The following ANAPC1 variants were observed in gnomAD, a reference collection of about 807,000 sequenced individuals.
The protein encoded by ANAPC1 is anaphase-promoting complex subunit 1.
Under a neutral mutation model 208.0 loss-of-function variants are expected in ANAPC1, and 36 were observed. That is an observed-to-expected ratio of 0.17 (90% CI 0.13 to 0.23). The LOEUF (loss-of-function observed/expected upper bound fraction) is 0.23. ANAPC1 is among the 10% of genes least tolerant of loss of function. The pLI, the probability that ANAPC1 is intolerant of heterozygous loss-of-function variation, is 1.00. For synonymous variants in ANAPC1, 378 were observed against 695.2 expected, an observed-to-expected ratio of 0.54 and a Z score of 7.18; for missense variants, 942 against 2,011.6, an observed-to-expected ratio of 0.47 and a Z score of 10.17.
In ANAPC1 at chr2:111,772,476, C is replaced by T; in HGVS notation, c.5585-1G>A. 2 of 1,396,680 alleles carry T rather than the reference C, an allele frequency of 1.4e-6. No homozygotes were observed. Among genetic ancestry groups the T allele is most frequent in the Non-Finnish European group, 2.0e-6 (2 of 1,015,980 alleles). The allele number at this position is 1,396,680 out of a possible 1,614,324, so 86.5% of individuals were successfully genotyped here. A position where few individuals can be genotyped will look rare whatever the true frequency, so the allele number is the denominator to read the frequency against. On this transcript the variant is annotated splice_acceptor_variant, in intron 46 of 47. Transcript: ENST00000341068. LOFTEE classifies it high-confidence loss of function. ...GCGTGCACACACATATCACCCCCGACTGTGAGAGAAACAAATGGAACGGAA... is the reference window on the plus strand; with the variant it reads ...GCGTGCACACACATATCACCCCCGATTGTGAGAGAAACAAATGGAACGGAA...
At chr2:111,803,016 A>G (rs1678515176) in intron 32 of ANAPC1, 1 of 155,684 alleles carries the variant, frequency 6.4e-6, no homozygotes, top group Non-Finnish European at 1.2e-5. Flanking sequence ...TTAGGAAGGC[A>G]GACGGTTTGG....
At chr2:111,773,793 G>T (rs1676869349) in intron 46 of ANAPC1, among the ~76,000 whole-genome samples, 1 of 152,154 alleles carries the variant, frequency 6.6e-6, no homozygotes, top group African/African-American at 2.4e-5. Flanking sequence ...GGCCAGGGTG[G>T]TGTGGGGAGC....
At chr2:111,832,510 T>G (rs1680202583) in intron 20 of ANAPC1, among the ~76,000 whole-genome samples, 1 of 152,192 alleles carries the variant, frequency 6.6e-6, no homozygotes, top group African/African-American at 2.4e-5. Context: ...ATGGTAGCAC[T>G]AGCCCCATGT....
rs1678557951 is a variant in ANAPC1 at position 111,803,989 on chromosome 2, TC to T, written c.3925-151del. On this transcript the variant is annotated intron_variant, in intron 30 of 47. Transcript: ENST00000341068. ...ATTTCCAATTTAAAGCAAACATTAA[TC>T]ATGAGTTAATAAATATTAATAATTC... 1.1e-5 allele frequency: 6 copies of T among 542,800 alleles called. No individual in the cohort carries two copies. The South Asian group carries it at 1.3e-4, about 12-fold the overall frequency. The allele number at this position is 542,800 out of a possible 1,614,324, so 33.6% of individuals were successfully genotyped here. A position where few individuals can be genotyped will look rare whatever the true frequency, so the allele number is the denominator to read the frequency against.
chr2:111,827,969 C>T lies in ANAPC1; in HGVS notation c.2626-2114G>A, dbSNP rs145267189. ...TGAAAGGCCAGAGAGGTAAACTGAG[C>T]ACTCATGACAGTTTTACTGAAAAGA... On this transcript the variant is annotated intron_variant, in intron 21 of 47. Coordinates refer to ENST00000341068, the MANE Select transcript of ANAPC1 (RefSeq NM_022662.4). 5.8e-3 allele frequency among the ~76,000 whole-genome samples: 879 copies of T among 152,108 alleles called. 12 individuals are homozygous for T. The highest frequency in any genetic ancestry group is 0.02 in the African/African-American group (847 of 41,496).
chr2:111,841,261 C>A (rs1381587251), intron 17 of ANAPC1, among the ~76,000 whole-genome samples: 5 of 151,816 alleles, frequency 3.3e-5, no homozygotes, highest in Non-Finnish European at 5.9e-5. Context: ...GTAAACAAAA[C>A]TAAGCAAAAA....
chr2:111,865,332 T>G (rs1168521643), intron 7 of ANAPC1, among the ~76,000 whole-genome samples: 1 of 152,348 alleles, frequency 6.6e-6, no homozygotes, highest in African/African-American at 2.4e-5. Flanking sequence ...GGTTCTGTTT[T>G]TCTGTATGAA....
At chr2:111,875,600 C>T (rs540306086) in intron 3 of ANAPC1, among the ~76,000 whole-genome samples, 9 of 152,110 alleles carry the variant, frequency 5.9e-5, no homozygotes, top group African/African-American at 2.2e-4. Context: ...CCAGTCAATC[C>T]TATATATATA....
At chr2:111,808,785 T>TA (rs2104398193) in intron 29 of ANAPC1, among the ~76,000 whole-genome samples, 162 bp downstream of exon 29, 1 of 152,076 alleles carries the variant, frequency 6.6e-6, no homozygotes, top group Admixed American at 6.5e-5. Flanking sequence ...TAACATTACT[T>TA]AGAGTTTTGT....
intron 3 of ANAPC1, among the ~76,000 whole-genome samples, chr2:111,876,492 C>T (rs191174409): frequency 3.3e-4 from 50 of 152,288 alleles, no homozygotes; most frequent in African/African-American, 1.2e-3. Context: ...TCTAACTGCA[C>T]TTCCATAGAA....
intron 43 of ANAPC1, among the ~76,000 whole-genome samples, chr2:111,781,518 A>C (rs1269912469): frequency 6.6e-6 from 1 of 152,294 alleles, no homozygotes; most frequent in Non-Finnish European, 1.5e-5. Context: ...GAGTTGAATT[A>C]AAATAAACTG....
In ANAPC1 at chr2:111,767,886, G is replaced by A. The variant is rs1676521647; in HGVS notation, c.*1405C>T. 1 of 152,194 alleles carries A rather than the reference G, an allele frequency of 6.6e-6. No homozygotes were observed. The highest frequency in any genetic ancestry group is 1.5e-5 in the Non-Finnish European group (1 of 68,042). 9.4% of individuals were successfully genotyped at this position (152,194 alleles called of 1,614,324 possible). A position where few individuals can be genotyped will look rare whatever the true frequency, so the allele number is the denominator to read the frequency against. ...ACATCCAGGAAGAAGCGAGTCCTCG[G>A]GGCAGCCACGCAAATGCAAGGACAG... is the stretch of plus-strand genomic sequence containing the variant. On this transcript the variant is annotated 3_prime_UTR_variant, in exon 48 of 48. Transcript: ENST00000341068.
intron 13 of ANAPC1, chr2:111,856,385 G>GT (rs1681723483): frequency 4.0e-6 from 2 of 499,328 alleles, no homozygotes; most frequent in Admixed American, 3.7e-5. Context: ...TTTCCCATCT[G>GT]TGACAGGTTT....
At position 111,794,801 on chromosome 2, in the gene ANAPC1, C is replaced by T. The variant is rs1204206708; in HGVS notation, c.4373+17G>A. The T allele has an allele frequency of 2.4e-6, 3 of 1,268,088 alleles. No homozygotes were observed. The highest frequency in any genetic ancestry group is 3.3e-6 in the Non-Finnish European group (3 of 901,708). The allele number at this position is 1,268,088 out of a possible 1,614,324, so 78.6% of individuals were successfully genotyped here. On this transcript the variant is annotated intron_variant, in intron 35 of 47. Coordinates refer to ENST00000341068, the MANE Select transcript of ANAPC1 (RefSeq NM_022662.4). ...GATAGACGCTAGGATAGCTAATTTG[C>T]ATTATACATCACTTACGACAAAGTT... is the stretch of plus-strand genomic sequence containing the variant.
chr2:111,834,028 T>C (rs996131114), intron 19 of ANAPC1, among the ~76,000 whole-genome samples: 1 of 152,188 alleles, frequency 6.6e-6, no homozygotes, highest in Non-Finnish European at 1.5e-5. Flanking sequence ...TCTTGAAAGG[T>C]GTTGAAACGT....
chr2:111,859,112 C>T (rs752251020), intron 10 of ANAPC1, among the ~76,000 whole-genome samples: 1 of 152,118 alleles, frequency 6.6e-6, no homozygotes, highest in Non-Finnish European at 1.5e-5. Context: ...CTATCTACCC[C>T]CTCTCCTTCT....
chr2:111,808,430 AAGTG>A (rs1294229896), intron 29 of ANAPC1, among the ~76,000 whole-genome samples: 1 of 152,118 alleles, frequency 6.6e-6, no homozygotes, highest in African/African-American at 2.4e-5. Flanking sequence ...ATGTTCACTA[AAGTG>A]AGTGTGTGGA....
intron 21 of ANAPC1, among the ~76,000 whole-genome samples, chr2:111,827,398 T>G (rs1005053731): frequency 2.0e-5 from 3 of 152,152 alleles, no homozygotes; most frequent in Non-Finnish European, 2.9e-5. Context: ...TTCCTTCCTT[T>G]CCCTCATTTC....
At chr2:111,860,440 TAA>T (rs1681996270) in intron 10 of ANAPC1, among the ~76,000 whole-genome samples, 1 of 146,254 alleles carries the variant, frequency 6.8e-6, no homozygotes, top group Non-Finnish European at 1.5e-5. Context: ...GCAAACTCCT[TAA>T]AGAGTCTGTA....
Sources: allele counts gnomAD v4.1 joint callset (sites outside exome capture counted in the v4.1 genomes callset), GRCh38; gene constraint gnomAD v4.1.1; transcripts MANE v1.5; gene names NCBI Gene and HGNC (gene_info 2026-07-23, HGNC 2026-07-21).